Variants in ZDHHC5 observed in about 807,000 individuals in gnomAD.
ZDHHC5 encodes zDHHC palmitoyltransferase 5, also known as palmitoyltransferase ZDHHC5.
ZDHHC5 carries 22 observed loss-of-function variants against 70.0 expected under a neutral mutation model. The ratio of observed to expected loss-of-function variants is 0.31; its 90% CI spans 0.22 to 0.45. ZDHHC5 has a LOEUF of 0.45. Among genes scored for constraint, ZDHHC5 ranks in the 20% least tolerant of loss-of-function variants. The pLI, the probability that ZDHHC5 is intolerant of heterozygous loss-of-function variation, is 1.00. For synonymous variants in ZDHHC5, 313 were observed against 347.8 expected (o/e 0.90, Z 1.11); for missense variants, 746 against 926.9 (o/e 0.80, Z 2.53).
Position 57,699,009 on chromosome 11 carries a change from C to T in ZDHHC5, c.1573C>T (p.His525Tyr). ...HPRLVPTGPT[H>Y]REPSPVRYDN... Reference sequence around the variant, plus strand: ...ACGTTTGGTGCCAACTGGCCCAACACACCGAGAGCCCTCACCAGTCCGTTA... The same window carrying T: ...ACGTTTGGTGCCAACTGGCCCAACATACCGAGAGCCCTCACCAGTCCGTTA... Residue 525 changes from histidine (H) to tyrosine (Y), a missense_variant, in exon 11 of 12, where the codon CAC becomes TAC. His to Tyr is a moderately conservative substitution (Grantham distance 83). Around this residue, in one of 6 missense-constraint regions of ZDHHC5, gnomAD observed 340 missense variants for 350.1 expected, o/e 0.97. Coordinates refer to ENST00000287169, the MANE Select transcript of ZDHHC5 (RefSeq NM_015457.3). The T allele has an allele frequency of 6.2e-7, 1 of 1,609,318 alleles. No homozygotes were observed.
chr11:57,676,745 A>G (rs1050665048), intron 2 of ZDHHC5, among the ~76,000 whole-genome samples: 6 of 151,598 alleles, frequency 4.0e-5, no homozygotes, highest in African/African-American at 1.5e-4. Context: ...TTTACCGTGT[A>G]GGATCTCCTG....
chr11:57,692,572 G>A, intron 6 of ZDHHC5, 39 bp from the exon 7 acceptor site: 1 of 1,592,848 alleles, frequency 6.3e-7, no homozygotes, highest in South Asian at 1.1e-5. Flanking sequence ...GGAAGTCAAG[G>A]TCTCATCTTC....
chr11:57,693,372 T>C (rs1946309816), intron 7 of ZDHHC5, among the ~76,000 whole-genome samples: 1 of 152,106 alleles, frequency 6.6e-6, no homozygotes, highest in South Asian at 2.1e-4. Context: ...GGAGCTCAGG[T>C]GATAATGCTC....
chr11:57,672,899 G>A lies in ZDHHC5; in HGVS notation c.-192G>A, dbSNP rs1037865712. ...TTGGAATCACCTTTCCCCCTCCCAT[G>A]TGCTTTCCTTCATTTGAGATCTTTT... On this transcript the variant is annotated 5_prime_UTR_variant, in exon 2 of 12. The change creates a new upstream start codon in the 5' untranslated region. Transcript: ENST00000287169. The A allele has an allele frequency of 1.8e-6, 1 of 546,868 alleles. No homozygotes were observed. The highest frequency in any genetic ancestry group is 1.9e-5 in the African/African-American group (1 of 52,584). The allele number at this position is 546,868 out of a possible 1,614,324, so 33.9% of individuals were successfully genotyped here. A position where few individuals can be genotyped will look rare whatever the true frequency, so the allele number is the denominator to read the frequency against.
At chr11:57,673,248 G>T in intron 2 of ZDHHC5, 54 bp downstream of exon 2, 1 of 1,565,628 alleles carries the variant, frequency 6.4e-7, no homozygotes, top group South Asian at 1.1e-5. Flanking sequence ...CATGGGAAGT[G>T]AGGAGATAAC....
chr11:57,690,950 A>G (rs1463385787), intron 6 of ZDHHC5, among the ~76,000 whole-genome samples: 2 of 152,212 alleles, frequency 1.3e-5, no homozygotes, highest in Non-Finnish European at 2.9e-5. Context: ...ATACATATGT[A>G]ACAAACCTGC....
chr11:57,678,269 C>G (rs1344508294), intron 2 of ZDHHC5, among the ~76,000 whole-genome samples: 1 of 152,144 alleles, frequency 6.6e-6, no homozygotes, highest in East Asian at 1.9e-4. Context: ...TTTCTTTTGT[C>G]TTCTGTCCAC....
intron 11 of ZDHHC5, 65 bp downstream of exon 11, chr11:57,699,483 A>G: frequency 2.0e-6 from 3 of 1,509,178 alleles, no homozygotes; most frequent in South Asian, 1.3e-5. Flanking sequence ...TGCAAAAGCT[A>G]TCAGGGCTTC....
chr11:57,700,705 T>G lies in ZDHHC5; in HGVS notation c.*674T>G, dbSNP rs1019086466. 7 of 152,514 alleles carry G rather than the reference T, an allele frequency of 4.6e-5. No individual in the cohort carries two copies. The highest frequency in any genetic ancestry group is 1.7e-4 in the African/African-American group (7 of 41,404). 9.4% of individuals were successfully genotyped at this position (152,514 alleles called of 1,614,324 possible). On this transcript the variant is annotated 3_prime_UTR_variant, in exon 12 of 12. Coordinates refer to ENST00000287169, the MANE Select transcript of ZDHHC5 (RefSeq NM_015457.3). Reference sequence around the variant, plus strand: ...GAGGGAAGGACTTGGAGAGGAGAATTAGTTTTCTAGGCTCATTGGCATTTA... The same window carrying G: ...GAGGGAAGGACTTGGAGAGGAGAATGAGTTTTCTAGGCTCATTGGCATTTA...
At chr11:57,682,004 C>T (rs1357974325) in intron 2 of ZDHHC5, among the ~76,000 whole-genome samples, 3 of 152,182 alleles carry the variant, frequency 2.0e-5, no homozygotes, top group Admixed American at 2.0e-4. Flanking sequence ...GGCCAATGTG[C>T]AGGTCAATGG....
At chr11:57,675,993 C>G (rs778350135) in intron 2 of ZDHHC5, among the ~76,000 whole-genome samples, 1 of 152,142 alleles carries the variant, frequency 6.6e-6, no homozygotes, top group Non-Finnish European at 1.5e-5. Context: ...ATTCTCTTCA[C>G]TAGGCTACAA....
chr11:57,680,395 A>T (rs1461181148), intron 2 of ZDHHC5, among the ~76,000 whole-genome samples: 1 of 152,114 alleles, frequency 6.6e-6, no homozygotes, highest in Non-Finnish European at 1.5e-5. Context: ...AAACTGAAGA[A>T]AGAGTCGAGT....
Position 57,699,404 on chromosome 11 carries a change from A to G in ZDHHC5, c.1968A>G (p.Pro656=). ...VSETEEVALQ[P]LLTPKDEVQL... The stretch of plus-strand genomic sequence containing the variant: ...AGACAGAAGAAGTGGCCTTGCAGCC[A>G]TTACTGACACCCAAGTAAGTATTAG... Residue 656 remains proline, a synonymous_variant, in exon 11 of 12, where the codon CCA becomes CCG. Coordinates refer to ENST00000287169, the MANE Select transcript of ZDHHC5 (RefSeq NM_015457.3). The G allele has an allele frequency of 6.3e-7, 1 of 1,575,292 alleles. No individual in the cohort carries two copies. The highest frequency in any genetic ancestry group is 8.6e-7 in the Non-Finnish European group (1 of 1,160,960).
rs745516699 is a variant in ZDHHC5, at chr11:57,699,026, A to G, written c.1590A>G (p.Pro530=). 4 of 1,610,292 alleles carry G rather than the reference A, an allele frequency of 2.5e-6. No homozygotes were observed. The highest frequency in any genetic ancestry group is 2.7e-5 in the African/African-American group (2 of 74,902). Residue 530 remains proline (P), a synonymous_variant, in exon 11 of 12, where the codon CCA becomes CCG. Coordinates refer to ENST00000287169, the MANE Select transcript of ZDHHC5 (RefSeq NM_015457.3). ...GCCCAACACACCGAGAGCCCTCACC[A>G]GTCCGTTACGACAATCTGTCGCGCC... ...PTGPTHREPS[P]VRYDNLSRHI... is the part of the protein sequence containing the mutation.
chr11:57,678,464 G>A (rs1324526977), intron 2 of ZDHHC5, among the ~76,000 whole-genome samples: 2 of 151,786 alleles, frequency 1.3e-5, no homozygotes, highest in East Asian at 1.9e-4. Flanking sequence ...CCAGCTACTC[G>A]GGAGGCTGAG....
intron 8 of ZDHHC5, 41 bp from the exon 9 acceptor site, chr11:57,695,879 T>C: frequency 6.2e-7 from 1 of 1,600,982 alleles, no homozygotes; most frequent in South Asian, 1.1e-5. Context: ...GCCATAATGC[T>C]CAATTTCTAA....
chr11:57,699,747 TAAGA>T (rs1946415214), intron 11 of ZDHHC5, 115 bp from the exon 12 acceptor site: 2 of 1,332,322 alleles, frequency 1.5e-6, no homozygotes, highest in Non-Finnish European at 2.1e-6. Flanking sequence ...AATGTTTGGG[TAAGA>T]AAGTATGGAT....
At chr11:57,676,514 G>C (rs1340604596) in intron 2 of ZDHHC5, among the ~76,000 whole-genome samples, 1 of 152,140 alleles carries the variant, frequency 6.6e-6, no homozygotes, top group Non-Finnish European at 1.5e-5. Context: ...CCCTCTTTGG[G>C]GGAGGTCAGG....
intron 2 of ZDHHC5, among the ~76,000 whole-genome samples, chr11:57,679,542 A>C (rs143550851): frequency 6.6e-6 from 1 of 152,282 alleles, no homozygotes; most frequent in Non-Finnish European, 1.5e-5. Context: ...CTGAGATGGT[A>C]TAGGTCTGGT....
Sources: allele counts gnomAD v4.1 joint callset (sites outside exome capture counted in the v4.1 genomes callset), GRCh38; gene constraint gnomAD v4.1.1; regional missense constraint gnomAD v4.1.1; transcripts MANE v1.5; gene names NCBI Gene and HGNC (gene_info 2026-07-23, HGNC 2026-07-21).